WHRN: variants seen among roughly 807,000 people sequenced by gnomAD.
WHRN encodes CASK-interacting protein CIP98.
WHRN carries 41 observed loss-of-function variants against 68.3 expected under a neutral mutation model. That is an observed-to-expected ratio of 0.60 (90% confidence interval 0.47 to 0.78). The LOEUF is 0.78. WHRN is among the 30% of genes least tolerant of loss of function. The probability of loss-of-function intolerance (pLI) is 0.00; values close to 1 mark genes in which losing one functional copy is unlikely to be tolerated. For synonymous variants in WHRN, 560 were observed against 561.3 expected, an observed-to-expected ratio of 1.00 and a Z score of 0.03; for missense variants, 1,243 against 1,244.7, an observed-to-expected ratio of 1.00 and a Z score of 0.02.
At position 114,403,297 on chromosome 9, in the gene WHRN, T is replaced by G. The variant is rs147387623; in HGVS notation, c.2461A>C (p.Lys821Gln). ...EPTSTLVRVK[K>Q]SAATLGIAIE... ...GCGATGCCCAGGGTGGCCGCACTTT[T>G]CTTCACACGGACCAGAGTGGACGTG... The change falls in exon 11 of 12, where the codon AAA (lysine) becomes CAA (glutamine). Residue 821 changes from lysine to glutamine, a missense_variant. By Grantham distance (53) the Lys-to-Gln change is moderately conservative. Transcript: ENST00000362057. The G allele has an allele frequency of 2.6e-5, 42 of 1,614,128 alleles. No homozygotes were observed. In the African/African-American group the frequency reaches 5.3e-4, roughly 20 times the overall value.
intron 7 of WHRN, among the ~76,000 whole-genome samples, chr9:114,422,987 G>A (rs560748948): frequency 6.6e-6 from 1 of 152,088 alleles, no homozygotes; most frequent in South Asian, 2.1e-4. Flanking sequence ...GCATTCCCAA[G>A]GATTCTAATG....
chr9:114,424,287 G>A (rs1836595832), intron 6 of WHRN, 47 bp downstream of exon 6: 1 of 1,600,736 alleles, frequency 6.2e-7, no homozygotes, highest in Non-Finnish European at 8.6e-7. Context: ...GCAGGATGCA[G>A]AGCCCTGGAA....
intron 6 of WHRN, 52 bp downstream of exon 6, chr9:114,424,282 A>G: frequency 6.3e-7 from 1 of 1,593,146 alleles, no homozygotes; most frequent in Non-Finnish European, 8.6e-7. Context: ...GCAGGGCAGG[A>G]TGCAGAGCCC....
At chr9:114,431,551 AC>A (rs1250803851) in intron 3 of WHRN, among the ~76,000 whole-genome samples, 1 of 152,002 alleles carries the variant, frequency 6.6e-6, no homozygotes, top group Non-Finnish European at 1.5e-5. Flanking sequence ...GGATGGGGGG[AC>A]CCGGCCTTCC....
chr9:114,460,966 T>C (rs1298222255), intron 3 of WHRN, among the ~76,000 whole-genome samples: 1 of 152,032 alleles, frequency 6.6e-6, no homozygotes, highest in Admixed American at 6.6e-5. Context: ...CCCAAGTGAG[T>C]GTAGGCAGGT....
At chr9:114,460,522 TC>T (rs1474613075) in intron 3 of WHRN, among the ~76,000 whole-genome samples, 3 of 152,200 alleles carry the variant, frequency 2.0e-5, no homozygotes, top group African/African-American at 7.2e-5. Flanking sequence ...TGTGGTCCAT[TC>T]TTTGGTGGGG....
At chr9:114,415,947 G>A (rs970998036) in intron 7 of WHRN, among the ~76,000 whole-genome samples, 1 of 152,246 alleles carries the variant, frequency 6.6e-6, no homozygotes, top group Admixed American at 6.5e-5. Flanking sequence ...CCCTGCAGCT[G>A]GAGGGGCCTG....
chr9:114,447,182 TC>T (rs1838897485), intron 3 of WHRN, among the ~76,000 whole-genome samples: 1 of 152,056 alleles, frequency 6.6e-6, no homozygotes, highest in Non-Finnish European at 1.5e-5. Context: ...CAGCTCAAGA[TC>T]CACTTCCTCT....
intron 3 of WHRN, among the ~76,000 whole-genome samples, chr9:114,433,725 A>G (rs146000412): frequency 6.6e-6 from 1 of 152,312 alleles, no homozygotes; most frequent in African/African-American, 2.4e-5. Flanking sequence ...AATTGCTAAG[A>G]CAGTTCCTGG....
chr9:114,470,831 C>T (rs1008465016), intron 2 of WHRN, among the ~76,000 whole-genome samples: 2 of 151,988 alleles, frequency 1.3e-5, no homozygotes, highest in East Asian at 1.9e-4. Flanking sequence ...CACCCCACCC[C>T]GGGGCCCTTC....
In WHRN at chr9:114,466,320, T is replaced by C. The variant is rs1840687523; in HGVS notation, c.910A>G (p.Ile304Val). Residue 304 changes from isoleucine (I) to valine (V), a missense_variant, in exon 3 of 12, where the codon ATT becomes GTT. Physicochemically the swap from Ile to Val is conservative, Grantham distance 29 (BLOSUM62 3). Coordinates refer to ENST00000362057, the MANE Select transcript of WHRN (RefSeq NM_015404.4). The stretch of plus-strand genomic sequence containing the variant: ...CCTGGGTCCACGCCAGTGATGTAAA[T>C]GCCAAGGCCGTACTCAGCTCCCCCA... The part of the protein sequence containing the change: ...IRGGAEYGLG[I>V]YITGVDPGSE... The C allele has an allele frequency of 6.2e-7, 1 of 1,614,102 alleles. No individual in the cohort carries two copies. The highest frequency in any genetic ancestry group is 8.5e-7 in the Non-Finnish European group (1 of 1,180,018).
chr9:114,420,591 G>A (rs1013326681), intron 7 of WHRN, among the ~76,000 whole-genome samples: 2 of 152,190 alleles, frequency 1.3e-5, no homozygotes, highest in Admixed American at 1.3e-4. Flanking sequence ...CTGTGGAAGG[G>A]AGCTCTGGAC....
At chr9:114,411,075 G>A (rs568070409) in intron 7 of WHRN, among the ~76,000 whole-genome samples, 13 of 152,246 alleles carry the variant, frequency 8.5e-5, no homozygotes, top group Non-Finnish European at 1.0e-4. Flanking sequence ...AATGTACGAG[G>A]AAGGTGACTG....
chr9:114,404,482 G>T (rs1302816042), intron 9 of WHRN, among the ~76,000 whole-genome samples: 1 of 152,216 alleles, frequency 6.6e-6, no homozygotes, highest in African/African-American at 2.4e-5. Flanking sequence ...TTTCATATAA[G>T]TAATTTCTAG....
chr9:114,421,335 C>T (rs1465356230), intron 7 of WHRN, among the ~76,000 whole-genome samples: 1 of 152,188 alleles, frequency 6.6e-6, no homozygotes, highest in Non-Finnish European at 1.5e-5. Context: ...GAGCTGGGGG[C>T]TCCTGACCCC....
intron 7 of WHRN, among the ~76,000 whole-genome samples, chr9:114,415,447 A>C (rs1451029999): frequency 6.6e-6 from 1 of 152,048 alleles, no homozygotes; most frequent in Non-Finnish European, 1.5e-5. Flanking sequence ...CTGAGTGGCC[A>C]TGTGCCAACC....
chr9:114,437,868 C>A (rs1838003710), intron 3 of WHRN, among the ~76,000 whole-genome samples: 1 of 152,160 alleles, frequency 6.6e-6, no homozygotes, highest in Non-Finnish European at 1.5e-5. Context: ...GATAAAGGGC[C>A]AGTTAGCTCT....
intron 7 of WHRN, among the ~76,000 whole-genome samples, chr9:114,419,095 C>T (rs780083928): frequency 6.6e-6 from 1 of 152,130 alleles, no homozygotes. Context: ...TGAGATCCTT[C>T]AGGGAAGAAT....
intron 3 of WHRN, among the ~76,000 whole-genome samples, chr9:114,442,210 G>T (rs555069566): frequency 6.6e-6 from 1 of 152,208 alleles, no homozygotes; most frequent in East Asian, 1.9e-4. Flanking sequence ...TCCTGGGTTG[G>T]CTCCTGGACT....
Sources: allele counts gnomAD v4.1 joint callset (sites outside exome capture counted in the v4.1 genomes callset), GRCh38; gene constraint gnomAD v4.1.1; transcripts MANE v1.5; gene names NCBI Gene and HGNC (gene_info 2026-07-23, HGNC 2026-07-21).